PCDH15: variants seen among roughly 807,000 people sequenced by gnomAD.
PCDH15 encodes protocadherin related 15.
PCDH15 carries 129 observed loss-of-function variants against 178.5 expected under a neutral mutation model. The observed-to-expected ratio is 0.72, with a 90% CI of 0.63 to 0.84. PCDH15 has a LOEUF of 0.84. Among genes scored for constraint, PCDH15 ranks in the 40% least tolerant of loss-of-function variants. PCDH15 has a pLI of 0.00. For missense variants in PCDH15, 2,230 were observed against 2,099.9 expected (o/e 1.06, Z -1.21); for synonymous variants, 800 against 732.0 (o/e 1.09, Z -1.50).
At chr10:54,626,666 G>A (rs935562070) in intron 2 of PCDH15, among the ~76,000 whole-genome samples, 1 of 152,162 alleles carries the variant, frequency 6.6e-6, no homozygotes, top group African/African-American at 2.4e-5. Flanking sequence ...TGGCCCTCAT[G>A]GAGAACCTCT....
At chr10:55,351,955 C>T (rs1349348091) in intron 2 of PCDH15, among the ~76,000 whole-genome samples, 1 of 152,050 alleles carries the variant, frequency 6.6e-6, no homozygotes, top group Non-Finnish European at 1.5e-5. Context: ...TTTTGAGAGG[C>T]TCTTATGTGC....
chr10:54,017,131 C>T (rs1326497333), intron 20 of PCDH15, among the ~76,000 whole-genome samples: 2 of 152,146 alleles, frequency 1.3e-5, no homozygotes, highest in Non-Finnish European at 2.9e-5. Context: ...TCAAGCGATT[C>T]TCCTGCCTCA....
chr10:55,483,251 T>C (rs917837003), intron 2 of PCDH15, among the ~76,000 whole-genome samples: 1 of 150,000 alleles, frequency 6.7e-6, no homozygotes, highest in African/African-American at 2.4e-5. Flanking sequence ...CTAATGTCCA[T>C]AATCTATAAG....
In PCDH15 at chr10:53,965,062, T is replaced by A. The variant is rs1201367425; in HGVS notation, c.2869-3170A>T. Among the ~76,000 whole-genome samples, 3 of 13,342 alleles carry A rather than the reference T, an allele frequency of 2.2e-4. No individual in the cohort carries two copies. In the East Asian group the frequency reaches 0.031, roughly 136 times the overall value. 8.8% of individuals were successfully genotyped at this position (13,342 alleles called of 152,430 possible). On this transcript the variant is annotated intron_variant, in intron 21 of 37. Coordinates refer to ENST00000644397, the MANE Select transcript of PCDH15 (RefSeq NM_001384140.1). ...AAGTTGGTATTAATAGTACCTACAT[T>A]TTTTTTTTTTTTTGAGACAGAGTCT... is the stretch of plus-strand genomic sequence containing the variant.
chr10:54,729,522 G>A (rs1283125938), intron 1 of PCDH15, among the ~76,000 whole-genome samples: 1 of 151,590 alleles, frequency 6.6e-6, no homozygotes, highest in Non-Finnish European at 1.5e-5. Context: ...GACTACAAAA[G>A]CAATTGCAAT....
At chr10:55,587,025 A>G (rs1311637489) in intron 2 of PCDH15, among the ~76,000 whole-genome samples, 4 of 152,094 alleles carry the variant, frequency 2.6e-5, no homozygotes, top group Non-Finnish European at 5.9e-5. Context: ...TAAAGGCCAA[A>G]GTTTTGCTAG....
At chr10:54,880,607 TA>T (rs902615284) in intron 3 of PCDH15, among the ~76,000 whole-genome samples, 25 of 150,758 alleles carry the variant, frequency 1.7e-4, no homozygotes, top group Admixed American at 5.3e-4. Flanking sequence ...TCACTAAGGT[TA>T]AAAAAAAACT....
chr10:54,883,222 A>G (rs1160180712), intron 3 of PCDH15, among the ~76,000 whole-genome samples: 1 of 152,086 alleles, frequency 6.6e-6, no homozygotes, highest in Non-Finnish European at 1.5e-5. Context: ...TGCCCTAAAA[A>G]GCAGTTAAGC....
intron 1 of PCDH15, among the ~76,000 whole-genome samples, chr10:55,282,285 C>A (rs759553654): frequency 5.9e-5 from 9 of 152,184 alleles, no homozygotes; most frequent in Admixed American, 3.9e-4. Context: ...TGTCTATCTG[C>A]AGTACCTGCT....
intron 2 of PCDH15, among the ~76,000 whole-genome samples, chr10:54,942,204 GT>G (rs1235797073): frequency 4.6e-5 from 7 of 151,910 alleles, no homozygotes; most frequent in Non-Finnish European, 7.4e-5. Flanking sequence ...GATGCTCTCT[GT>G]TTTCACTCCC....
chr10:53,940,819 T>C (rs530950524), intron 24 of PCDH15, 47 bp downstream of exon 24: 1 of 1,370,982 alleles, frequency 7.3e-7, no homozygotes, highest in Non-Finnish European at 1.0e-6. Context: ...AGGCCAAATC[T>C]AAGTTTACTG....
intron 8 of PCDH15, among the ~76,000 whole-genome samples, chr10:54,307,768 A>G (rs1192794278): frequency 6.6e-6 from 1 of 152,094 alleles, no homozygotes; most frequent in Non-Finnish European, 1.5e-5. Context: ...AATTAGAAGT[A>G]GTGCAATCAG....
chr10:55,035,397 G>T (rs1840710522), intron 2 of PCDH15, among the ~76,000 whole-genome samples: 1 of 151,952 alleles, frequency 6.6e-6, no homozygotes, highest in Non-Finnish European at 1.5e-5. Flanking sequence ...AGACCATTTT[G>T]TTCCTTTTTC....
In PCDH15 at chr10:54,340,035, C is replaced by T. The variant is rs551778951; in HGVS notation, c.594+6330G>A. On this transcript the variant is annotated intron_variant, in intron 6 of 37. Coordinates refer to ENST00000644397, the MANE Select transcript of PCDH15 (RefSeq NM_001384140.1). Reference sequence around the variant, plus strand: ...GATTTCTATACCTATTGCAGTGGTCCTGAATAAGGTCTTTCTTACCATGTT... The same window carrying T: ...GATTTCTATACCTATTGCAGTGGTCTTGAATAAGGTCTTTCTTACCATGTT... Among the ~76,000 whole-genome samples the T allele has an allele frequency of 1.3e-4, 20 of 152,204 alleles. No homozygotes were observed. The East Asian group carries it at 3.9e-3, about 29-fold the overall frequency.
chr10:54,786,785 A>G (rs1023591702), intron 1 of PCDH15, among the ~76,000 whole-genome samples: 1 of 151,850 alleles, frequency 6.6e-6, no homozygotes, highest in Non-Finnish European at 1.5e-5. Flanking sequence ...CTTCTTATCA[A>G]TCTGTTCCTG....
chr10:53,935,030 G>A (rs11003938), intron 25 of PCDH15, among the ~76,000 whole-genome samples: 2,064 of 151,422 alleles, frequency 0.014, 57 homozygotes, highest in African/African-American at 0.048. Flanking sequence ...TTGCCAACAT[G>A]TAGAAATACA....
chr10:54,744,015 T>G (rs542287324), intron 1 of PCDH15, among the ~76,000 whole-genome samples: 1 of 152,268 alleles, frequency 6.6e-6, no homozygotes, highest in Admixed American at 6.5e-5. Flanking sequence ...CTTCCAAGTC[T>G]AGATGACAAA....
At chr10:54,730,707 T>G (rs369818640) in intron 1 of PCDH15, among the ~76,000 whole-genome samples, 2 of 151,374 alleles carry the variant, frequency 1.3e-5, no homozygotes, top group African/African-American at 4.8e-5. Flanking sequence ...GATAACCATA[T>G]GTAAAAGAAT....
At chr10:54,960,874 C>A (rs964830258) in intron 2 of PCDH15, among the ~76,000 whole-genome samples, 3 of 152,190 alleles carry the variant, frequency 2.0e-5, no homozygotes, top group African/African-American at 7.2e-5. Context: ...CTGGTGTATT[C>A]CAGAATAACA....
Sources: allele counts gnomAD v4.1 joint callset (sites outside exome capture counted in the v4.1 genomes callset), GRCh38; gene constraint gnomAD v4.1.1; transcripts MANE v1.5; gene names NCBI Gene and HGNC (gene_info 2026-07-23, HGNC 2026-07-21).